Variants in WASHC4 observed in about 807,000 individuals in gnomAD.
WASHC4 encodes the protein WASH complex subunit 4.
WASHC4 carries 86 observed loss-of-function variants against 166.6 expected under a neutral mutation model. The observed-to-expected ratio is 0.52, with a 90% CI of 0.43 to 0.62. The LOEUF (loss-of-function observed/expected upper bound fraction) is 0.62, where lower values mean the gene tolerates loss of function less well. Ranked by LOEUF, WASHC4 falls within the 20% of genes least tolerant of loss-of-function variation. The pLI, the probability that WASHC4 is intolerant of heterozygous loss-of-function variation, is 0.00. For synonymous variants in WASHC4, 446 were observed against 451.6 expected (o/e 0.99, Z 0.16); for missense variants, 1,262 against 1,382.4 (o/e 0.91, Z 1.38).
Position 105,127,154 on chromosome 12 carries a change from A to G in WASHC4, c.1064A>G (p.Asn355Ser), listed in dbSNP as rs1881364186. 1 of 1,613,270 alleles carries G rather than the reference A, an allele frequency of 6.2e-7. No individual in the cohort carries two copies. ...GTACCAGCCATCACTCTAACTGCTA[A>G]TATTATTTGGTTTCCTGATAATTTT... is the stretch of plus-strand genomic sequence containing the variant. ...KKVPAITLTA[N>S]IIWFPDNFLI... Residue 355 changes from asparagine (N) to serine (S), a missense_variant, in exon 13 of 33, where the codon AAT becomes AGT. Asn to Ser is a conservative substitution (Grantham distance 46, BLOSUM62 1). Coordinates refer to ENST00000332180, the MANE Select transcript of WASHC4 (RefSeq NM_015275.3).
chr12:105,151,384 G>A (rs943351522), intron 25 of WASHC4, among the ~76,000 whole-genome samples: 16 of 150,300 alleles, frequency 1.1e-4, no homozygotes, highest in Admixed American at 2.0e-4. Flanking sequence ...TTGTATAATG[G>A]TTGCTAGTTC....
chr12:105,168,994 A>G lies in WASHC4; in HGVS notation c.*2063A>G, dbSNP rs894555343. 5.9e-5 allele frequency: 9 copies of G among 152,730 alleles called. No homozygotes were observed. The highest frequency in any genetic ancestry group is 1.2e-4 in the African/African-American group (5 of 41,584). The allele number at this position is 152,730 out of a possible 1,614,324, so 9.5% of individuals were successfully genotyped here. On this transcript the variant is annotated 3_prime_UTR_variant, in exon 33 of 33. Coordinates refer to ENST00000332180, the MANE Select transcript of WASHC4 (RefSeq NM_015275.3). ...AATTCTCAGGAATTAAGGACTCACC[A>G]TAACATTGTCAGTTCTAATGAAATT...
intron 7 of WASHC4, among the ~76,000 whole-genome samples, chr12:105,119,740 T>C (rs1880545113): frequency 6.6e-6 from 1 of 152,242 alleles, no homozygotes; most frequent in East Asian, 1.9e-4. Context: ...AAATTTAAAA[T>C]ATGCATTCTA....
At chr12:105,145,671 G>GA (rs1202339405) in intron 22 of WASHC4, among the ~76,000 whole-genome samples, 3 of 151,906 alleles carry the variant, frequency 2.0e-5, no homozygotes, top group Non-Finnish European at 2.9e-5. Flanking sequence ...TCCTCTGGGA[G>GA]AAAAAATGTG....
intron 28 of WASHC4, among the ~76,000 whole-genome samples, chr12:105,158,998 C>T (rs982713357): frequency 6.6e-6 from 1 of 152,144 alleles, no homozygotes; most frequent in African/African-American, 2.4e-5. Flanking sequence ...AATAAGGCCC[C>T]AGCACAGAAG....
chr12:105,146,574 T>A, intron 23 of WASHC4, 48 bp downstream of exon 23: 2 of 1,018,466 alleles, frequency 2.0e-6, no homozygotes, highest in Non-Finnish European at 3.1e-6. Context: ...GTGGAGATAG[T>A]TGGAAGGCTG....
Position 105,133,418 on chromosome 12 carries a change from T to C in WASHC4, c.1200-352T>C, listed in dbSNP as rs60387890. ...CCTCCACCCCAGTCCTTATCCTTTTTCCCCTGCTTTTATTTCTTCTGTAGT... is the reference window on the plus strand; with the variant it reads ...CCTCCACCCCAGTCCTTATCCTTTTCCCCCTGCTTTTATTTCTTCTGTAGT... On this transcript the variant is annotated intron_variant, in intron 13 of 32. Transcript: ENST00000332180. 6.9e-3 allele frequency among the ~76,000 whole-genome samples: 1,048 copies of C among 152,322 alleles called. 14 individuals are homozygous for C. The highest frequency in any genetic ancestry group is 0.024 in the African/African-American group (1,016 of 41,572).
chr12:105,144,751 A>G lies in WASHC4; in HGVS notation c.2213A>G (p.Tyr738Cys), dbSNP rs779009477. ...ACTCACTACCTAGACAAGACTTTCT[A>G]CAATCTAACAACTGTAGCCCTTCAT... ...YVTHYLDKTF[Y>C]NLTTVALHDW... Residue 738 changes from tyrosine (Y) to cysteine (C), a missense_variant, in exon 22 of 33, where the codon TAC (tyrosine) becomes TGC (cysteine). Tyr to Cys is a radical substitution (Grantham distance 194). Coordinates refer to ENST00000332180, the MANE Select transcript of WASHC4 (RefSeq NM_015275.3). The G allele has an allele frequency of 5.6e-6, 9 of 1,612,288 alleles. No homozygotes were observed. The highest frequency in any genetic ancestry group is 6.8e-6 in the Non-Finnish European group (8 of 1,179,218).
At chr12:105,115,145 C>G in intron 4 of WASHC4, 39 bp from the exon 5 acceptor site, 1 of 1,123,424 alleles carries the variant, frequency 8.9e-7, no homozygotes, top group South Asian at 1.3e-5. Context: ...GGAAACAAAA[C>G]AACCTTTAAA....
intron 32 of WASHC4, among the ~76,000 whole-genome samples, chr12:105,166,383 C>T (rs1382340189): frequency 6.6e-5 from 10 of 152,044 alleles, no homozygotes; most frequent in South Asian, 4.1e-4. Context: ...ATATATATTA[C>T]GTATAATTTA....
chr12:105,146,482 A>G lies in WASHC4; in HGVS notation c.2365A>G (p.Ile789Val), dbSNP rs778412901. The G allele has an allele frequency of 2.5e-6, 4 of 1,596,422 alleles. No homozygotes were observed. The highest frequency in any genetic ancestry group is 3.4e-6 in the Non-Finnish European group (4 of 1,164,432). ...TGATGTTTTAGAAATTATGAGAAAC[A>G]TTCATATATTTGTGTCCCGATACCT... ...GLDVLEIMRN[I>V]HIFVSRYLYN... The change falls in exon 23 of 33, where the codon ATT becomes GTT. Residue 789 changes from isoleucine to valine, a missense_variant. By Grantham distance (29) the Ile-to-Val change is conservative. Coordinates refer to ENST00000332180, the MANE Select transcript of WASHC4 (RefSeq NM_015275.3).
intron 31 of WASHC4, 79 bp from the exon 32 acceptor site, chr12:105,164,562 C>A: frequency 2.1e-6 from 2 of 954,448 alleles, no homozygotes; most frequent in Non-Finnish European, 3.3e-6. Flanking sequence ...TAATAAGAGG[C>A]ATAAAAATGC....
intron 6 of WASHC4, among the ~76,000 whole-genome samples, chr12:105,116,601 A>G (rs1488591601): frequency 6.6e-6 from 1 of 152,128 alleles, no homozygotes; most frequent in African/African-American, 2.4e-5. Flanking sequence ...CATGCTGAGT[A>G]GATTTTAGCT....
chr12:105,123,035 C>G (rs1404710876), intron 10 of WASHC4, among the ~76,000 whole-genome samples: 2 of 152,156 alleles, frequency 1.3e-5, no homozygotes, highest in African/African-American at 4.8e-5. Flanking sequence ...AGAGATAGGG[C>G]CGGGCGCGGT....
In WASHC4 at chr12:105,144,285, A is replaced by G. The variant is rs373097982; in HGVS notation, c.2011-2A>G. 1 of 1,610,308 alleles carries G rather than the reference A, an allele frequency of 6.2e-7. No individual in the cohort carries two copies. The highest frequency in any genetic ancestry group is 8.5e-7 in the Non-Finnish European group (1 of 1,177,386). On this transcript the variant is annotated splice_acceptor_variant, in intron 20 of 32. Transcript: ENST00000332180. LOFTEE classifies it high-confidence loss of function. ...TTAAAGTATCAAATCTTTTGTGAAT[A>G]GCATTTGCTGGACAAATTATGCAAA... is the stretch of plus-strand genomic sequence containing the variant.
At chr12:105,157,215 C>A in intron 27 of WASHC4, 21 bp from the exon 28 acceptor site, 1 of 1,247,800 alleles carries the variant, frequency 8.0e-7, no homozygotes, top group Non-Finnish European at 1.2e-6. Context: ...CTAATAAATG[C>A]CTTCCCAAAT....
chr12:105,118,163 A>G (rs1299740205), intron 6 of WASHC4, among the ~76,000 whole-genome samples: 2 of 152,190 alleles, frequency 1.3e-5, no homozygotes, highest in Non-Finnish European at 2.9e-5. Flanking sequence ...ATGAGACAGC[A>G]CCTATCATTT....
At chr12:105,140,827 A>G in intron 16 of WASHC4, 72 bp from the exon 17 acceptor site, 1 of 1,129,670 alleles carries the variant, frequency 8.9e-7, no homozygotes, top group Non-Finnish European at 1.2e-6. Flanking sequence ...GGAAAAGATA[A>G]TCAAGAAGTT....
rs1275763822 is a variant in WASHC4 at position 105,140,296 on chromosome 12, A to T, written c.1455A>T (p.Ala485=). 1.9e-6 allele frequency: 3 copies of T among 1,607,584 alleles called. No individual in the cohort carries two copies. The highest frequency in any genetic ancestry group is 2.7e-5 in the African/African-American group (2 of 74,798). The change falls in exon 16 of 33, where the codon GCA becomes GCT. Residue 485 remains alanine, a splice_region_variant and synonymous_variant. Transcript: ENST00000332180. ...AAATTATTTCTGATTCTTTTTAGGC[A>T]ATAGAGCATATGTTCTACAGGAGAA... ...ALCRLVELLK[A]IEHMFYRRSM...
Sources: allele counts gnomAD v4.1 joint callset (sites outside exome capture counted in the v4.1 genomes callset), GRCh38; gene constraint gnomAD v4.1.1; transcripts MANE v1.5; gene names NCBI Gene and HGNC (gene_info 2026-07-23, HGNC 2026-07-21).